Variants in NDUFAF6 observed in about 807,000 individuals in gnomAD.
The protein encoded by NDUFAF6 is NADH:ubiquinone oxidoreductase complex assembly factor 6, also known as NADH dehydrogenase (ubiquinone) complex I, assembly factor 6.
Under a neutral mutation model 40.8 loss-of-function variants are expected in NDUFAF6, and 45 were observed. The observed-to-expected ratio is 1.10, with a 90% confidence interval of 0.87 to 1.42. NDUFAF6 has a LOEUF of 1.42. Ranked by LOEUF, NDUFAF6 falls within the 40% of genes most tolerant of loss-of-function variation. The probability of loss-of-function intolerance (pLI) is 0.00; values close to 1 mark genes in which losing one functional copy is unlikely to be tolerated. For missense variants in NDUFAF6, 435 were observed against 418.5 expected, an observed-to-expected ratio of 1.04 and a Z score of -0.34; for synonymous variants, 185 against 155.9, an observed-to-expected ratio of 1.19 and a Z score of -1.39.
chr8:95,052,108 T>G (rs959107468), intron 7 of NDUFAF6, 66 bp from the exon 8 acceptor site: 4 of 1,472,846 alleles, frequency 2.7e-6, no homozygotes, highest in Non-Finnish European at 3.8e-6. Context: ...CTGCTGGTGT[T>G]GCTTTCAGAG....
intron 1 of NDUFAF6, among the ~76,000 whole-genome samples, chr8:95,027,906 C>T (rs990416061): frequency 1.3e-5 from 2 of 152,178 alleles, no homozygotes; most frequent in Non-Finnish European, 2.9e-5. Flanking sequence ...GCTCTCCTAG[C>T]AATTTAGGTT....
chr8:95,109,841 C>T (rs886194389), intron 4 of NDUFAF6, among the ~76,000 whole-genome samples: 2 of 152,092 alleles, frequency 1.3e-5, no homozygotes, highest in Non-Finnish European at 2.9e-5. Flanking sequence ...ATGACTTATC[C>T]GAGATCATGC....
upstream of NDUFAF6, among the ~76,000 whole-genome samples, chr8:95,021,969 T>C (rs1481711877): frequency 2.0e-5 from 3 of 152,146 alleles, no homozygotes; most frequent in Non-Finnish European, 4.4e-5. Flanking sequence ...GTCCTGAAAA[T>C]GCTTGGTGTG....
chr8:95,113,162 C>G (rs1225542348), intron 4 of NDUFAF6, among the ~76,000 whole-genome samples: 1 of 152,188 alleles, frequency 6.6e-6, no homozygotes, highest in Non-Finnish European at 1.5e-5. Flanking sequence ...GGGCTGGAAA[C>G]CTGGTGGCCT....
intron 2 of NDUFAF6, among the ~76,000 whole-genome samples, chr8:94,991,431 A>G (rs1826186063): frequency 6.6e-6 from 1 of 152,212 alleles, no homozygotes; most frequent in Admixed American, 6.5e-5. Flanking sequence ...CTCCATGTGC[A>G]CCAGCTGTCT....
Position 95,026,918 on chromosome 8 carries a change from C to A in NDUFAF6, c.197+1713C>A, listed in dbSNP as rs571843615. On this transcript the variant is annotated intron_variant, in intron 1 of 8. Transcript: ENST00000396124. The stretch of plus-strand genomic sequence containing the variant: ...AAAAAATTAGCTGGGCTTGGTGGCA[C>A]AGCCTGTGGTCCCAGCTACTGCGAG... Among the ~76,000 whole-genome samples, 5 of 151,618 alleles carry A rather than the reference C, an allele frequency of 3.3e-5. No individual in the cohort carries two copies. In the East Asian group the frequency reaches 9.7e-4, roughly 30 times the overall value.
At chr8:95,082,785 A>G (rs943872969) in intron 2 of NDUFAF6, among the ~76,000 whole-genome samples, 4 of 151,424 alleles carry the variant, frequency 2.6e-5, no homozygotes, top group Non-Finnish European at 4.4e-5. Flanking sequence ...TCAGCCTCCC[A>G]AGTAGCTGGG....
intron 2 of NDUFAF6, among the ~76,000 whole-genome samples, chr8:95,008,048 A>C (rs1215821876): frequency 6.6e-6 from 1 of 152,074 alleles, no homozygotes; most frequent in Non-Finnish European, 1.5e-5. Context: ...TAAACTTGGA[A>C]GGAGAGTGTC....
chr8:95,068,905 C>T (rs1440323337), intron 9 of NDUFAF6: 1 of 151,660 alleles, frequency 6.6e-6, no homozygotes, highest in Non-Finnish European at 1.5e-5. Context: ...TAGTGTCTTT[C>T]CTAATTCTCA....
chr8:94,914,105 T>C (rs13262198), intron 1 of NDUFAF6, among the ~76,000 whole-genome samples: 4 of 135,746 alleles, frequency 2.9e-5, no homozygotes, highest in Admixed American at 7.3e-5. Flanking sequence ...CCTTATCTCT[T>C]TTTTTTTTTT....
At chr8:95,096,557 TGAGG>T, upstream of NDUFAF6, among the ~76,000 whole-genome samples, 1 of 152,226 alleles carries the variant, frequency 6.6e-6, no homozygotes, top group Admixed American at 6.5e-5. Context: ...TGTGACCTGA[TGAGG>T]TTAGTATCAT....
chr8:95,095,728 G>A (rs1809439626), upstream of NDUFAF6, among the ~76,000 whole-genome samples: 1 of 151,052 alleles, frequency 6.6e-6, no homozygotes, highest in African/African-American at 2.4e-5. Context: ...GCAGTAGCAT[G>A]ATCTCAGCTC....
Position 95,047,141 on chromosome 8 carries a change from T to C in NDUFAF6, c.714+14T>C, listed in dbSNP as rs1393678632. Reference sequence around the variant, plus strand: ...ATTTGTATGCTGGTAAGGCTGTAATTTGTACCTTTGAATAATTTACCTCAG... The same window carrying C: ...ATTTGTATGCTGGTAAGGCTGTAATCTGTACCTTTGAATAATTTACCTCAG... On this transcript the variant is annotated intron_variant, in intron 6 of 8. Coordinates refer to ENST00000396124, the MANE Select transcript of NDUFAF6 (RefSeq NM_152416.4). 5 of 1,613,998 alleles carry C rather than the reference T, an allele frequency of 3.1e-6. No homozygotes were observed. The highest frequency in any genetic ancestry group is 4.2e-6 in the Non-Finnish European group (5 of 1,179,986).
chr8:94,943,001 G>A (rs902172154), intron 1 of NDUFAF6, among the ~76,000 whole-genome samples: 1 of 152,168 alleles, frequency 6.6e-6, no homozygotes, highest in African/African-American at 2.4e-5. Flanking sequence ...AACCATTTAG[G>A]GAAACAGGAA....
At chr8:94,965,941 G>C (rs1232884118) in intron 1 of NDUFAF6, among the ~76,000 whole-genome samples, 1 of 152,186 alleles carries the variant, frequency 6.6e-6, no homozygotes, top group African/African-American at 2.4e-5. Context: ...GAAAACAAAG[G>C]CTGAGAAATA....
At chr8:94,922,047 G>T (rs987409937) in intron 1 of NDUFAF6, among the ~76,000 whole-genome samples, 4 of 152,082 alleles carry the variant, frequency 2.6e-5, no homozygotes, top group African/African-American at 9.7e-5. Context: ...CTGTCACCCA[G>T]GTTGGAGTGC....
At chr8:95,055,887 T>A (rs1392174539) in intron 8 of NDUFAF6, among the ~76,000 whole-genome samples, 1 of 152,180 alleles carries the variant, frequency 6.6e-6, no homozygotes, top group Non-Finnish European at 1.5e-5. Flanking sequence ...TCTGTCACCA[T>A]TAAATTGGAC....
chr8:94,939,382 A>T (rs555737324), intron 1 of NDUFAF6, among the ~76,000 whole-genome samples: 17 of 152,200 alleles, frequency 1.1e-4, no homozygotes, highest in East Asian at 5.8e-4. Flanking sequence ...TAACTTTCTT[A>T]AAAAAATCTA....
chr8:94,976,704 G>A (rs1259724496), intron 1 of NDUFAF6, among the ~76,000 whole-genome samples: 1 of 151,956 alleles, frequency 6.6e-6, no homozygotes, highest in Non-Finnish European at 1.5e-5. Context: ...TTTGGAGAAT[G>A]ATGGTCATCA....
Sources: gnomAD v4.1 joint callset for allele counts (sites outside exome capture counted in the v4.1 genomes callset) on GRCh38, gnomAD v4.1.1 for gene constraint, MANE v1.5 for transcripts, NCBI Gene and HGNC (gene_info 2026-07-23, HGNC 2026-07-21) for gene names.